Variants in MGA observed in about 807,000 individuals in gnomAD.
The protein encoded by MGA is MAX gene-associated protein.
A neutral mutation model predicts 261.1 loss-of-function variants in MGA; 40 were observed. The observed-to-expected ratio is 0.15, with a 90% CI of 0.12 to 0.20. MGA has a LOEUF of 0.20. MGA is among the 10% of genes least tolerant of loss of function. MGA has a pLI of 1.00. For synonymous variants in MGA, 1,302 were observed against 1,290.6 expected, an observed-to-expected ratio of 1.01 and a Z score of -0.19; for missense variants, 3,397 against 3,630.5, an observed-to-expected ratio of 0.94 and a Z score of 1.65.
At chr15:41,729,024 C>G (rs1948511264) in intron 10 of MGA, 140 bp from the exon 11 acceptor site, 1 of 817,858 alleles carries the variant, frequency 1.2e-6, no homozygotes, top group African/African-American at 1.7e-5. Flanking sequence ...ATGAACTGTA[C>G]TTGTGCTGTT....
intron 9 of MGA, among the ~76,000 whole-genome samples, chr15:41,724,714 T>G (rs1033138372): frequency 2.0e-5 from 3 of 152,098 alleles, no homozygotes; most frequent in African/African-American, 7.2e-5. Flanking sequence ...GAAACATTGG[T>G]GAATTATGTT....
chr15:41,707,598 C>A, intron 5 of MGA, 130 bp from the exon 6 acceptor site: 1 of 807,394 alleles, frequency 1.2e-6, no homozygotes, highest in Non-Finnish European at 1.9e-6. Context: ...ATTGTTTTTG[C>A]TCTTCACTAT....
chr15:41,634,027 A>G (rs1360382653), intron 1 of MGA, among the ~76,000 whole-genome samples: 1 of 152,088 alleles, frequency 6.6e-6, no homozygotes, highest in Non-Finnish European at 1.5e-5. Context: ...TCTGTCTGGA[A>G]TACTGCATAG....
At chr15:41,731,272 A>G (rs1164138418) in intron 11 of MGA, among the ~76,000 whole-genome samples, 1 of 152,060 alleles carries the variant, frequency 6.6e-6, no homozygotes, top group African/African-American at 2.4e-5. Flanking sequence ...ATAAATAAAA[A>G]CTTTGTTACC....
At chr15:41,633,140 G>A (rs1248615737) in intron 1 of MGA, among the ~76,000 whole-genome samples, 2 of 151,806 alleles carry the variant, frequency 1.3e-5, no homozygotes, top group African/African-American at 2.4e-5. Flanking sequence ...TAGTAGAGAC[G>A]GGGTTTCACT....
intron 11 of MGA, among the ~76,000 whole-genome samples, chr15:41,733,940 G>A (rs968212862): frequency 7.3e-6 from 1 of 136,518 alleles, no homozygotes; most frequent in Non-Finnish European, 1.6e-5. Context: ...TTTCGAGATA[G>A]GGCCTCACTC....
chr15:41,744,910 G>A (rs1377771972), intron 15 of MGA, among the ~76,000 whole-genome samples: 1 of 152,042 alleles, frequency 6.6e-6, no homozygotes, highest in Non-Finnish European at 1.5e-5. Flanking sequence ...ACGGAGTCTC[G>A]CTCTGTTGCC....
intron 1 of MGA, among the ~76,000 whole-genome samples, chr15:41,642,311 G>GT (rs766480352): frequency 0.036 from 4,914 of 135,936 alleles, 123 homozygotes; most frequent in South Asian, 0.076. Context: ...AATTTGTGGT[G>GT]TTTTTTTTTT....
At chr15:41,673,280 T>C (rs2058173817) in intron 2 of MGA, among the ~76,000 whole-genome samples, 1 of 152,010 alleles carries the variant, frequency 6.6e-6, no homozygotes, top group Non-Finnish European at 1.5e-5. Flanking sequence ...TGCAGTGGTG[T>C]GATCTTGGCT....
chr15:41,725,005 TTGAATTAAGTA>T (rs1271121622), intron 9 of MGA, among the ~76,000 whole-genome samples: 1 of 152,230 alleles, frequency 6.6e-6, no homozygotes, highest in Admixed American at 6.5e-5. Flanking sequence ...AAGTAAGTAT[TTGAATTAAGTA>T]TGAATGCCAC....
chr15:41,743,209 G>C (rs1208979140), intron 15 of MGA, 37 bp downstream of exon 15: 1 of 1,547,010 alleles, frequency 6.5e-7, no homozygotes, highest in African/African-American at 1.4e-5. Flanking sequence ...TTATTTTACT[G>C]TACACCTATT....
At position 41,757,803 on chromosome 15, in the gene MGA, C is replaced by G. The variant is rs770560050; in HGVS notation, c.7155C>G (p.Ile2385Met). The G allele has an allele frequency of 6.2e-7, 1 of 1,610,500 alleles. No homozygotes were observed. The highest frequency in any genetic ancestry group is 1.1e-5 in the South Asian group (1 of 90,812). Reference sequence around the variant, plus strand: ...CTTTATCCAGGTCCTGTACTCACATCTCTGCAGATGAAAAAGCAGCTGAAA... The same window carrying G: ...CTTTATCCAGGTCCTGTACTCACATGTCTGCAGATGAAAAAGCAGCTGAAA... Residue 2385 changes from isoleucine to methionine, a missense_variant, in exon 19 of 24, where the codon ATC becomes ATG. Coordinates refer to ENST00000219905, the MANE Select transcript of MGA (RefSeq NM_001164273.2).
At chr15:41,717,100 G>A (rs907797007) in intron 9 of MGA, among the ~76,000 whole-genome samples, 2 of 152,066 alleles carry the variant, frequency 1.3e-5, no homozygotes, top group African/African-American at 4.8e-5. Flanking sequence ...AGGTCATAAA[G>A]ATACTAAGTG....
intron 1 of MGA, among the ~76,000 whole-genome samples, chr15:41,631,016 T>C (rs970278662): frequency 1.3e-5 from 2 of 152,162 alleles, no homozygotes; most frequent in African/African-American, 4.8e-5. Flanking sequence ...AGGTACAGTG[T>C]GGGGGACACA....
Position 41,766,347 on chromosome 15 carries a change from G to T in MGA, c.8265G>T (p.Gln2755His). 1 of 1,613,882 alleles carries T rather than the reference G, an allele frequency of 6.2e-7. No individual in the cohort carries two copies. Among genetic ancestry groups the T allele is most frequent in the South Asian group, 1.1e-5 (1 of 91,054 alleles). Residue 2755 changes from glutamine (Q) to histidine (H), a missense_variant, in exon 24 of 24, where the codon CAG (glutamine) becomes CAT (histidine). Gln to His is a conservative substitution (Grantham distance 24). Coordinates refer to ENST00000219905, the MANE Select transcript of MGA (RefSeq NM_001164273.2). Reference sequence around the variant, plus strand: ...TTTCTGGTGATATGAGAGGGATTCAGTATAAATGGAAAGAGAGTGAATCAA... The same window carrying T: ...TTTCTGGTGATATGAGAGGGATTCATTATAAATGGAAAGAGAGTGAATCAA...
intron 5 of MGA, 81 bp from the exon 6 acceptor site, chr15:41,707,646 CA>C: frequency 7.4e-7 from 1 of 1,351,674 alleles, no homozygotes; most frequent in Non-Finnish European, 1.0e-6. Flanking sequence ...CGCCATCTCC[CA>C]GGCACAAGTT....
chr15:41,697,068 C>G lies in MGA; in HGVS notation c.2013+45C>G. The G allele has an allele frequency of 3.6e-6, 5 of 1,390,992 alleles. No homozygotes were observed. The South Asian group carries it at 7.4e-5, about 21-fold the overall frequency. The allele number at this position is 1,390,992 out of a possible 1,614,324, so 86.2% of individuals were successfully genotyped here. ...GATTCTTTAAGGCTAATTAGTCATA[C>G]TTGAATTGTATACTGGCTTGTAAGT... On this transcript the variant is annotated intron_variant, in intron 3 of 23. Transcript: ENST00000219905.
At chr15:41,700,084 G>A (rs1478316735) in intron 5 of MGA, among the ~76,000 whole-genome samples, 4 of 119,366 alleles carry the variant, frequency 3.4e-5, no homozygotes, top group African/African-American at 6.5e-5. Flanking sequence ...TCTCGCTCTC[G>A]CCCAGGCTGG....
At chr15:41,751,922 TC>T (rs2062857050) in intron 17 of MGA, 1 of 152,212 alleles carries the variant, frequency 6.6e-6, no homozygotes, top group Non-Finnish European at 1.5e-5. Context: ...CAATCTCACT[TC>T]CTTGAGATTC....
Sources: gnomAD v4.1 joint callset for allele counts (sites outside exome capture counted in the v4.1 genomes callset) on GRCh38, gnomAD v4.1.1 for gene constraint, MANE v1.5 for transcripts, NCBI Gene and HGNC (gene_info 2026-07-23, HGNC 2026-07-21) for gene names.